The following RAD54L2 variants were observed in gnomAD, a reference collection of about 807,000 sequenced individuals.
The protein encoded by RAD54L2 is RAD54 like 2, also known as helicase ARIP4.
A neutral mutation model predicts 138.4 loss-of-function variants in RAD54L2; 27 were observed. The observed-to-expected ratio is 0.20, with a 90% confidence interval of 0.14 to 0.27. The LOEUF is 0.27. Among genes scored for constraint, RAD54L2 ranks in the 10% least tolerant of loss-of-function variants. The pLI is 1.00. For synonymous variants in RAD54L2, 644 were observed against 723.2 expected (o/e 0.89, Z 1.76); for missense variants, 1,396 against 1,890.2 (o/e 0.74, Z 4.85).
intron 3 of RAD54L2, among the ~76,000 whole-genome samples, chr3:51,599,702 T>A (rs1194983519): frequency 6.8e-6 from 1 of 146,378 alleles, no homozygotes; most frequent in Non-Finnish European, 1.5e-5. Context: ...GCTGAGATTG[T>A]AGGTGTACCC....
chr3:51,663,187 C>T lies in RAD54L2; in HGVS notation c.4171C>T (p.Leu1391=). ...TTCACTCCCATTCTCACAGCCACTC[C>T]TGTCCGAGCCGAGGATGTTTGCGCC... ...SYSLPFSQPL[L]SEPRMFAPFP... is the part of the protein sequence containing the mutation. Residue 1391 remains leucine, a synonymous_variant, in exon 23 of 23, where the codon CTG becomes TTG. Coordinates refer to ENST00000684192, the MANE Select transcript of RAD54L2 (RefSeq NM_015106.4). 6.2e-7 allele frequency: 1 copy of T among 1,614,016 alleles called. No individual in the cohort carries two copies. The highest frequency in any genetic ancestry group is 8.5e-7 in the Non-Finnish European group (1 of 1,179,892).
chr3:51,568,291 C>T (rs1699261526), intron 2 of RAD54L2, among the ~76,000 whole-genome samples: 1 of 152,094 alleles, frequency 6.6e-6, no homozygotes, highest in African/African-American at 2.4e-5. Flanking sequence ...AGGATTAGCT[C>T]CTCATCCTGT....
Position 51,645,486 on chromosome 3 carries a change from A to C in RAD54L2, c.2657-105A>C. On this transcript the variant is annotated intron_variant, in intron 17 of 22. Coordinates refer to ENST00000684192, the MANE Select transcript of RAD54L2 (RefSeq NM_015106.4). This position sits in a 1 kb window ranked among gnomAD's most constrained non-coding sequence, Gnocchi z 6.1. ...ATGTTTCCAGTGTCACCAGCACCTC[A>C]GACCTAGTCTTTGACTTTCAGATAT... 1 of 1,221,598 alleles carries C rather than the reference A, an allele frequency of 8.2e-7. No individual in the cohort carries two copies. Among genetic ancestry groups the C allele is most frequent in the Non-Finnish European group, 1.1e-6 (1 of 885,268 alleles). The allele number at this position is 1,221,598 out of a possible 1,614,324, so 75.7% of individuals were successfully genotyped here. A position where few individuals can be genotyped will look rare whatever the true frequency, so the allele number is the denominator to read the frequency against.
intron 3 of RAD54L2, among the ~76,000 whole-genome samples, chr3:51,596,203 C>T (rs913630135): frequency 6.8e-6 from 1 of 146,750 alleles, no homozygotes; most frequent in Non-Finnish European, 1.5e-5. Flanking sequence ...GCTGGAATTA[C>T]AGGCGTGAGC....
At chr3:51,596,530 A>G (rs1001915124) in intron 3 of RAD54L2, among the ~76,000 whole-genome samples, 1 of 152,180 alleles carries the variant, frequency 6.6e-6, no homozygotes, top group Non-Finnish European at 1.5e-5. Flanking sequence ...TTTCTTATTC[A>G]TTCAGATTTA....
At chr3:51,565,863 CTG>C (rs1440414307) in intron 2 of RAD54L2, among the ~76,000 whole-genome samples, 1 of 131,148 alleles carries the variant, frequency 7.6e-6, no homozygotes, top group Non-Finnish European at 1.6e-5. Flanking sequence ...GAGTCTTGCT[CTG>C]TCACCCAGGC....
rs1343269313 is a variant in RAD54L2 at position 51,637,102 on chromosome 3, A to T, written c.1340-59A>T. 1 of 1,422,548 alleles carries T rather than the reference A, an allele frequency of 7.0e-7. No homozygotes were observed. The highest frequency in any genetic ancestry group is 2.5e-5 in the East Asian group (1 of 40,054). The allele number at this position is 1,422,548 out of a possible 1,614,324, so 88.1% of individuals were successfully genotyped here. A position where few individuals can be genotyped will look rare whatever the true frequency, so the allele number is the denominator to read the frequency against. ...TCCAGGGTGCACCCCTACTTCTCAT[A>T]TTATTGACTAAGAGCAGGCCCTGTC... is the stretch of plus-strand genomic sequence containing the variant. On this transcript the variant is annotated intron_variant, in intron 10 of 22. Transcript: ENST00000684192. The surrounding 1 kb of genome is among the most constrained non-coding windows in gnomAD (Gnocchi z 5.9).
chr3:51,581,919 C>G (rs192005356), intron 2 of RAD54L2, among the ~76,000 whole-genome samples: 1 of 151,566 alleles, frequency 6.6e-6, no homozygotes, highest in East Asian at 1.9e-4. Flanking sequence ...TGTAGTCTCC[C>G]TTCTCTTTTC....
At chr3:51,627,516 C>G (rs1000694416) in intron 3 of RAD54L2, 37 bp from the exon 4 acceptor site, 1 of 1,535,596 alleles carries the variant, frequency 6.5e-7, no homozygotes, top group African/African-American at 1.4e-5. Context: ...TTCCCCCTCA[C>G]CCCTATAAAG....
At chr3:51,596,780 G>T in intron 3 of RAD54L2, among the ~76,000 whole-genome samples, 1 of 152,160 alleles carries the variant, frequency 6.6e-6, no homozygotes, top group East Asian at 1.9e-4. Flanking sequence ...GGTATCCTGA[G>T]CCACCACCAT....
chr3:51,653,298 T>C (rs1255826125), intron 19 of RAD54L2, among the ~76,000 whole-genome samples: 4 of 152,132 alleles, frequency 2.6e-5, no homozygotes, highest in Non-Finnish European at 2.9e-5. Context: ...CTGGAGAGAA[T>C]GTGGAGAAAT....
chr3:51,619,488 C>T (rs114625894), intron 3 of RAD54L2, among the ~76,000 whole-genome samples: 1 of 149,186 alleles, frequency 6.7e-6, no homozygotes, highest in East Asian at 2.2e-4. Flanking sequence ...CAATGTGTCT[C>T]TCTTTTTTTT....
intron 2 of RAD54L2, among the ~76,000 whole-genome samples, chr3:51,574,239 C>G (rs186959525): frequency 6.6e-6 from 1 of 152,294 alleles, no homozygotes; most frequent in East Asian, 1.9e-4. Context: ...TTAATCCAGC[C>G]TATCACTGAT....
Position 51,664,277 on chromosome 3 carries a change from C to T in RAD54L2, c.*857C>T, listed in dbSNP as rs1391080781. ...ATTACCAATCTATGTCTCTTAACCC[C>T]GGTGGCTATCTCTGAGCAGCTCTCC... On this transcript the variant is annotated 3_prime_UTR_variant, in exon 23 of 23. Transcript: ENST00000684192. 2 of 152,192 alleles carry T rather than the reference C, an allele frequency of 1.3e-5. No homozygotes were observed. The highest frequency in any genetic ancestry group is 2.1e-4 in the South Asian group (1 of 4,830). The allele number at this position is 152,192 out of a possible 1,614,324, so 9.4% of individuals were successfully genotyped here.
intron 2 of RAD54L2, among the ~76,000 whole-genome samples, chr3:51,554,353 C>CG (rs1698913627): frequency 7.0e-6 from 1 of 143,026 alleles, no homozygotes. Context: ...GGCGACAAAG[C>CG]GAGACTCTTT....
At chr3:51,620,914 CTG>C (rs1700556564) in intron 3 of RAD54L2, among the ~76,000 whole-genome samples, 1 of 151,294 alleles carries the variant, frequency 6.6e-6, no homozygotes, top group Non-Finnish European at 1.5e-5. Flanking sequence ...CTCTCAGTAA[CTG>C]TTGGTGGGTT....
chr3:51,645,370 C>A lies in RAD54L2; in HGVS notation c.2656+141C>A. On this transcript the variant is annotated intron_variant, in intron 17 of 22. Transcript: ENST00000684192. This position sits in a 1 kb window ranked among gnomAD's most constrained non-coding sequence, Gnocchi z 6.1. ...CATTTCCTCCTATCTCATTCTGATT[C>A]AAATTGCTTAAAAGGTAATTGACCT... 9.6e-7 allele frequency: 1 copy of A among 1,037,114 alleles called. No individual in the cohort carries two copies. Among genetic ancestry groups the A allele is most frequent in the Non-Finnish European group, 1.4e-6 (1 of 715,726 alleles). 64.2% of individuals were successfully genotyped at this position (1,037,114 alleles called of 1,614,324 possible).
intron 7 of RAD54L2, among the ~76,000 whole-genome samples, chr3:51,632,448 T>C (rs910469155): frequency 2.0e-5 from 3 of 152,080 alleles, no homozygotes; most frequent in Non-Finnish European, 2.9e-5. Flanking sequence ...TGTGCACCAC[T>C]GCACCCGGCT....
rs1300169021 is a variant in RAD54L2, at chr3:51,656,034, C to G, written c.3090C>G (p.Pro1030=). The G allele has an allele frequency of 1.9e-6, 3 of 1,613,942 alleles. No individual in the cohort carries two copies. The highest frequency in any genetic ancestry group is 2.5e-6 in the Non-Finnish European group (3 of 1,179,912). The change falls in exon 20 of 23, where the codon CCC becomes CCG. Residue 1030 remains proline, a synonymous_variant. Transcript: ENST00000684192. ...GTGTTCGTCCTGTGCAGTCCACCCC[C>G]ATCCCCATGATGCCCCGGCATGTCC... The part of the protein sequence containing the change: ...VASVRPVQST[P]IPMMPRHVPL...
Sources: gnomAD v4.1 joint callset for allele counts (sites outside exome capture counted in the v4.1 genomes callset) on GRCh38, gnomAD v4.1.1 for gene constraint, Gnocchi (gnomAD v3.1) non-coding constraint, MANE v1.5 for transcripts, NCBI Gene and HGNC (gene_info 2026-07-23, HGNC 2026-07-21) for gene names.